The following PTPN11 variants were observed in gnomAD, a reference collection of about 807,000 sequenced individuals.
PTPN11 encodes the protein protein tyrosine phosphatase non-receptor type 11.
A neutral mutation model predicts 78.8 loss-of-function variants in PTPN11; 6 were observed. The observed-to-expected ratio is 0.08, with a 90% confidence interval of 0.04 to 0.15. PTPN11 has a LOEUF of 0.15. PTPN11 is among the 10% of genes least tolerant of loss of function. The pLI, the probability that PTPN11 is intolerant of heterozygous loss-of-function variation, is 1.00. For missense variants in PTPN11, 386 were observed against 744.8 expected (o/e 0.52, Z 5.61); for synonymous variants, 221 against 263.5 (o/e 0.84, Z 1.56).
intron 6 of PTPN11, among the ~76,000 whole-genome samples, chr12:112,463,113 T>TA (rs1263575002): frequency 6.6e-6 from 1 of 152,178 alleles, no homozygotes; most frequent in Non-Finnish European, 1.5e-5. Context: ...AATAGAATCT[T>TA]ATACTTCCTT....
chr12:112,470,233 A>C (rs1475331143), intron 6 of PTPN11, among the ~76,000 whole-genome samples: 1 of 152,192 alleles, frequency 6.6e-6, no homozygotes, highest in Non-Finnish European at 1.5e-5. Flanking sequence ...GGTGGTGCTA[A>C]TGCTGCTGGT....
At chr12:112,461,487 G>A (rs1477251044) in intron 6 of PTPN11, among the ~76,000 whole-genome samples, 1 of 151,490 alleles carries the variant, frequency 6.6e-6, no homozygotes, top group Admixed American at 6.6e-5. Flanking sequence ...CACCATGCCT[G>A]GCTAATTTTT....
intron 6 of PTPN11, among the ~76,000 whole-genome samples, chr12:112,456,527 C>T (rs1004775954): frequency 2.7e-5 from 4 of 148,658 alleles, no homozygotes; most frequent in East Asian, 2.0e-4. Context: ...GGCGTGATCT[C>T]GGTTTACTGC....
intron 1 of PTPN11, among the ~76,000 whole-genome samples, chr12:112,432,794 A>G (rs907367044): frequency 1.3e-4 from 20 of 152,088 alleles, no homozygotes; most frequent in African/African-American, 4.8e-4. Flanking sequence ...AGTGGGGACA[A>G]CATAGCAAGA....
At chr12:112,434,054 T>C (rs1354349209) in intron 1 of PTPN11, among the ~76,000 whole-genome samples, 1 of 152,038 alleles carries the variant, frequency 6.6e-6, no homozygotes, top group Non-Finnish European at 1.5e-5. Flanking sequence ...CCCTGCACTT[T>C]GGGAGGCTGA....
chr12:112,480,260 T>C (rs2135904629), intron 9 of PTPN11, among the ~76,000 whole-genome samples: 1 of 152,290 alleles, frequency 6.6e-6, no homozygotes, highest in South Asian at 2.1e-4. Flanking sequence ...AGTGCTCATT[T>C]GGGGAAACTA....
chr12:112,436,905 T>TATGGTAATAA (rs542609969), intron 1 of PTPN11, among the ~76,000 whole-genome samples: 3 of 152,158 alleles, frequency 2.0e-5, no homozygotes, highest in Admixed American at 6.6e-5. Flanking sequence ...TAATTAAATT[T>TATGGTAATAA]ATGGTAATAA....
chr12:112,498,266 T>C (rs1314037371), intron 13 of PTPN11, among the ~76,000 whole-genome samples: 3 of 152,108 alleles, frequency 2.0e-5, no homozygotes, highest in Non-Finnish European at 4.4e-5. Context: ...GCCGCAGTGC[T>C]GCACGTGAGA....
intron 6 of PTPN11, among the ~76,000 whole-genome samples, chr12:112,469,322 TAGTA>T (rs759488867): frequency 3.4e-4 from 52 of 152,152 alleles, no homozygotes; most frequent in Middle Eastern, 6.8e-3. Context: ...CATATGGTAG[TAGTA>T]AGTGTTTAAC....
intron 7 of PTPN11, among the ~76,000 whole-genome samples, chr12:112,473,486 T>C (rs1009764394): frequency 1.3e-5 from 2 of 152,118 alleles, no homozygotes; most frequent in Admixed American, 1.3e-4. Context: ...CTCCTAGAAC[T>C]GTTCTGCTTG....
intron 3 of PTPN11, among the ~76,000 whole-genome samples, chr12:112,452,102 C>G (rs944485559): frequency 3.9e-5 from 6 of 151,920 alleles, no homozygotes; most frequent in African/African-American, 1.5e-4. Flanking sequence ...TCTCAAACTC[C>G]TGAACTCAGG....
chr12:112,454,933 C>CTA (rs2038133363), intron 5 of PTPN11: 2 of 494,552 alleles, frequency 4.0e-6, no homozygotes, highest in Non-Finnish European at 3.7e-6. Flanking sequence ...GATTCTCCTG[C>CTA]CTCAGCCTCC....
chr12:112,423,787 C>G (rs1013885810), intron 1 of PTPN11, among the ~76,000 whole-genome samples: 3 of 148,498 alleles, frequency 2.0e-5, no homozygotes, highest in Non-Finnish European at 4.4e-5. Context: ...CCCTGTTGCC[C>G]AGGCTGGAGA....
intron 3 of PTPN11, 103 bp from the exon 4 acceptor site, chr12:112,453,092 T>C (rs1470656330): frequency 5.0e-6 from 5 of 1,006,702 alleles, no homozygotes; most frequent in Admixed American, 4.0e-5. Flanking sequence ...GTGTCTACTT[T>C]TTAATTGTGT....
chr12:112,426,357 C>T (rs1283884679), intron 1 of PTPN11, among the ~76,000 whole-genome samples: 7 of 151,882 alleles, frequency 4.6e-5, no homozygotes, highest in East Asian at 3.9e-4. Context: ...CCTTGATTCA[C>T]GCGATTCTCC....
rs2135906878 is a variant in PTPN11 at position 112,482,152 on chromosome 12, A to G, written c.1171A>G (p.Ser391Gly). The stretch of plus-strand genomic sequence containing the variant: ...CATGCGTGTTAGGAACGTCAAAGAA[A>G]GCGCCGCTCATGACTATACGCTAAG... ...GVMRVRNVKESAAHDYTLREL... is the reference protein window; with the variant it reads ...GVMRVRNVKEGAAHDYTLREL... The change falls in exon 10 of 16, where the codon AGC becomes GGC. Residue 391 changes from serine (S) to glycine (G), a missense_variant. Around this residue, in one of 3 missense-constraint regions of PTPN11, gnomAD observed 279 missense variants for 503.3 expected, o/e 0.55. Coordinates refer to ENST00000351677, the MANE Select transcript of PTPN11 (RefSeq NM_002834.5). The surrounding 1 kb of genome is among the most constrained non-coding windows in gnomAD (Gnocchi z 4.4). The G allele has an allele frequency of 6.2e-7, 1 of 1,613,436 alleles. No homozygotes were observed. Among genetic ancestry groups the G allele is most frequent in the Non-Finnish European group, 8.5e-7 (1 of 1,179,382 alleles).
intron 13 of PTPN11, among the ~76,000 whole-genome samples, chr12:112,500,894 A>AT: frequency 6.6e-6 from 1 of 152,006 alleles, no homozygotes; most frequent in South Asian, 2.1e-4. Context: ...GCCCAGCCCT[A>AT]TTTTTTATTT....
At chr12:112,449,926 G>A (rs751438988) in intron 2 of PTPN11, among the ~76,000 whole-genome samples, 2 of 152,134 alleles carry the variant, frequency 1.3e-5, no homozygotes, top group South Asian at 2.1e-4. Flanking sequence ...GTAGCTGAGC[G>A]TGGTGGCGCA....
intron 13 of PTPN11, among the ~76,000 whole-genome samples, chr12:112,489,642 A>G (rs565874187): frequency 9.7e-4 from 147 of 152,326 alleles, no homozygotes; most frequent in Non-Finnish European, 1.3e-3. Flanking sequence ...AGCTGTGCAT[A>G]ATGAAGAGGA....
Sources: allele counts gnomAD v4.1 joint callset (sites outside exome capture counted in the v4.1 genomes callset), GRCh38; gene constraint gnomAD v4.1.1; regional missense constraint gnomAD v4.1.1; non-coding constraint Gnocchi (gnomAD v3.1); transcripts MANE v1.5; gene names NCBI Gene and HGNC (gene_info 2026-07-23, HGNC 2026-07-21).